The following CFAP95 variants were observed in gnomAD, a reference collection of about 807,000 sequenced individuals.
CFAP95 encodes the protein cilia and flagella associated protein 95, also known as cilia- and flagella-associated protein 95.
the CFAP95 span, among the ~76,000 whole-genome samples, chr9:69,852,396 T>C: frequency 6.6e-6 from 1 of 152,260 alleles, no homozygotes; most frequent in Non-Finnish European, 1.5e-5. Flanking sequence ...ACCTTGATGA[T>C]TTAAAAACAA....
the CFAP95 span, among the ~76,000 whole-genome samples, chr9:69,841,821 A>G: frequency 6.6e-6 from 1 of 152,074 alleles, no homozygotes; most frequent in Admixed American, 6.5e-5. Context: ...AAACCATCAG[A>G]TCTCATGAGA....
the CFAP95 span, among the ~76,000 whole-genome samples, chr9:69,830,093 T>C: frequency 1.3e-5 from 2 of 152,236 alleles, no homozygotes; most frequent in Non-Finnish European, 2.9e-5. Flanking sequence ...CCCCTCTCTC[T>C]TTGTGGGTTT....
the CFAP95 span, among the ~76,000 whole-genome samples, chr9:69,834,470 C>A: frequency 6.6e-6 from 1 of 152,090 alleles, no homozygotes; most frequent in Non-Finnish European, 1.5e-5. Context: ...GCAGTGTTGC[C>A]CTATTTTATA....
chr9:69,865,896 A>C, the CFAP95 span, among the ~76,000 whole-genome samples: 1 of 152,202 alleles, frequency 6.6e-6, no homozygotes, highest in African/African-American at 2.4e-5. Context: ...ATGTTAACTC[A>C]GTACTCCCTA....
chr9:69,841,469 A>G, the CFAP95 span, among the ~76,000 whole-genome samples: 1 of 152,030 alleles, frequency 6.6e-6, no homozygotes, highest in African/African-American at 2.4e-5. Flanking sequence ...GAGCATGAAG[A>G]GCCAAGCCAC....
At chr9:69,866,401 A>AT in the CFAP95 span, among the ~76,000 whole-genome samples, 1 of 152,204 alleles carries the variant, frequency 6.6e-6, no homozygotes, top group African/African-American at 2.4e-5. Context: ...TCCTGGTTCA[A>AT]TTCTGAAAGC....
At chr9:69,879,735 A>G in the CFAP95 span, among the ~76,000 whole-genome samples, 2 of 152,212 alleles carry the variant, frequency 1.3e-5, no homozygotes, top group African/African-American at 4.8e-5. Flanking sequence ...CCTTTATCCA[A>G]TTAGAGTCAT....
chr9:69,893,939 G>A, the CFAP95 span, among the ~76,000 whole-genome samples: 1 of 152,188 alleles, frequency 6.6e-6, no homozygotes, highest in Non-Finnish European at 1.5e-5. Flanking sequence ...GAAATGAAAT[G>A]AGTGAGAGTT....
chr9:69,848,203 A>T, the CFAP95 span, among the ~76,000 whole-genome samples: 2 of 152,190 alleles, frequency 1.3e-5, no homozygotes, highest in South Asian at 2.1e-4. Context: ...CTAGAGGTGG[A>T]GCAACAATGT....
At chr9:69,871,238 T>C in the CFAP95 span, among the ~76,000 whole-genome samples, 1 of 151,406 alleles carries the variant, frequency 6.6e-6, no homozygotes, top group Non-Finnish European at 1.5e-5. Flanking sequence ...AAAATAATAA[T>C]AATAAACAAA....
the CFAP95 span, among the ~76,000 whole-genome samples, chr9:69,861,749 A>AAAAC: frequency 6.7e-6 from 1 of 148,346 alleles, no homozygotes; most frequent in African/African-American, 2.5e-5. Flanking sequence ...AAAAAAAAAA[A>AAAAC]AAAACACAAC....
At chr9:69,888,518 A>G in the CFAP95 span, among the ~76,000 whole-genome samples, 1 of 152,184 alleles carries the variant, frequency 6.6e-6, no homozygotes, top group African/African-American at 2.4e-5. Flanking sequence ...TACAAATACT[A>G]AACAATATGA....
At chr9:69,841,090 C>A in the CFAP95 span, among the ~76,000 whole-genome samples, 1 of 143,566 alleles carries the variant, frequency 7.0e-6, no homozygotes, top group Non-Finnish European at 1.5e-5. Flanking sequence ...TCTTGGGCCC[C>A]TTCTTCCATT....
chr9:69,830,712 A>G, the CFAP95 span, among the ~76,000 whole-genome samples: 29 of 152,326 alleles, frequency 1.9e-4, no homozygotes, highest in South Asian at 5.6e-3. Context: ...CAGTGGCTCA[A>G]TCATAGCTCA....
chr9:69,858,456 T>C, the CFAP95 span, among the ~76,000 whole-genome samples: 1 of 152,186 alleles, frequency 6.6e-6, no homozygotes, highest in Non-Finnish European at 1.5e-5. Context: ...GTGATCTTGT[T>C]TAAGACATCC....
the CFAP95 span, among the ~76,000 whole-genome samples, chr9:69,867,997 A>AT: frequency 1.3e-5 from 2 of 152,252 alleles, no homozygotes; most frequent in Non-Finnish European, 2.9e-5. Flanking sequence ...CTTTCAAGCC[A>AT]TAACAATAGG....
chr9:69,896,935 T>G, the CFAP95 span, among the ~76,000 whole-genome samples: 1 of 152,018 alleles, frequency 6.6e-6, no homozygotes, highest in Non-Finnish European at 1.5e-5. Flanking sequence ...TATTTTAAAT[T>G]TAGTGAAGTA....
At chr9:69,844,557 G>C in the CFAP95 span, 1 of 1,612,726 alleles carries the variant, frequency 6.2e-7, no homozygotes, top group South Asian at 1.1e-5. Flanking sequence ...TTATGATATA[G>C]AGGGTCCTGA....
chr9:69,845,424 G>T, the CFAP95 span, among the ~76,000 whole-genome samples: 3 of 152,150 alleles, frequency 2.0e-5, no homozygotes, highest in East Asian at 1.9e-4. Flanking sequence ...GTGATGAAAA[G>T]ATTGGGTTTG....
Sources: allele counts gnomAD v4.1 joint callset (sites outside exome capture counted in the v4.1 genomes callset), GRCh38; gene constraint gnomAD v4.1.1; transcripts MANE v1.5; gene names NCBI Gene and HGNC (gene_info 2026-07-23, HGNC 2026-07-21).